Variants in HIP1 observed in about 807,000 individuals in gnomAD.
HIP1 encodes the protein huntingtin-interacting protein 1.
In HIP1, 65 loss-of-function variants were observed where a neutral mutation model predicts 147.6. The observed-to-expected ratio is 0.44, with a 90% CI of 0.36 to 0.54. The LOEUF (loss-of-function observed/expected upper bound fraction) is 0.54, where lower values mean the gene tolerates loss of function less well. HIP1 is among the 20% of genes least tolerant of loss of function. HIP1 has a pLI of 0.00. For synonymous variants in HIP1, 479 were observed against 504.0 expected (o/e 0.95, Z 0.67); for missense variants, 1,061 against 1,299.6 (o/e 0.82, Z 2.82).
chr7:75,658,682 G>A (rs1799215344), intron 1 of HIP1, among the ~76,000 whole-genome samples: 1 of 152,014 alleles, frequency 6.6e-6, no homozygotes, highest in South Asian at 2.1e-4. Context: ...TTGGGAGGCC[G>A]AGGTAGCAGG....
At chr7:75,706,483 A>ATTTTTTTTTTTTTTTT (rs1416497325) in intron 1 of HIP1, among the ~76,000 whole-genome samples, 1 of 79,864 alleles carries the variant, frequency 1.3e-5, no homozygotes, top group African/African-American at 5.3e-5. Flanking sequence ...CTTTTTTTTT[A>ATTTTTTTTTTTTTTTT]TTTTTTTTTT....
chr7:75,680,153 G>T (rs956816688), intron 1 of HIP1, among the ~76,000 whole-genome samples: 1 of 151,846 alleles, frequency 6.6e-6, no homozygotes, highest in Admixed American at 6.6e-5. Context: ...AGCAATTCTC[G>T]TGCCTCAGCC....
rs1173633153 is a variant in HIP1, at chr7:75,563,194, C to A, written c.873G>T (p.Leu291=). 1.2e-6 allele frequency: 2 copies of A among 1,614,092 alleles called. No homozygotes were observed. Among genetic ancestry groups the A allele is most frequent in the South Asian group, 1.1e-5 (1 of 91,094 alleles). The change falls in exon 10 of 31, where the codon CTG becomes CTT. Residue 291 remains leucine, a synonymous_variant. Transcript: ENST00000336926. ...TGTGGTTGGGCATGCTTACCTCAGG[C>A]AGCTGGGGGATCTGAATGAGCCGCT... The part of the protein sequence containing the change: ...YFKRLIQIPQ[L]PENPPNFLRA...
chr7:75,544,692 T>C lies in HIP1; in HGVS notation c.2766+3A>G. 1.9e-6 allele frequency: 3 copies of C among 1,592,378 alleles called. No individual in the cohort carries two copies. The highest frequency in any genetic ancestry group is 2.6e-6 in the Non-Finnish European group (3 of 1,160,138). On this transcript the variant is annotated splice_donor_region_variant and intron_variant, in intron 27 of 30. Transcript: ENST00000336926. ...CGTCCTAGGAGGTCCAGCCAGGTCC[T>C]ACCTTGGATGCAGCCACAAGCTGGG...
intron 2 of HIP1, among the ~76,000 whole-genome samples, chr7:75,595,255 C>CTTTTTCTTTCTTTCTTT (rs1491555852): frequency 1.5e-5 from 1 of 68,312 alleles, no homozygotes; most frequent in African/African-American, 4.8e-5. Flanking sequence ...TTTCTTTCTT[C>CTTTTTCTTTCTTTCTTT]CTTCCTTCCT....
At chr7:75,664,098 GCATA>G (rs138842743) in intron 1 of HIP1, among the ~76,000 whole-genome samples, 2,401 of 36,606 alleles carry the variant, frequency 0.066, 434 homozygotes, top group African/African-American at 0.18. Context: ...ACACATATGT[GCATA>G]CATACATGTA....
intron 1 of HIP1, among the ~76,000 whole-genome samples, chr7:75,721,555 G>A (rs1363106314): frequency 3.3e-5 from 5 of 151,882 alleles, no homozygotes; most frequent in African/African-American, 1.2e-4. Flanking sequence ...TTTTTCTGGA[G>A]AATTATTTTT....
At chr7:75,689,646 G>A (rs1286852098) in intron 1 of HIP1, among the ~76,000 whole-genome samples, 2 of 152,128 alleles carry the variant, frequency 1.3e-5, no homozygotes, top group Non-Finnish European at 2.9e-5. Flanking sequence ...TGGCATTCAA[G>A]GACACGCTCC....
chr7:75,549,667 G>A (rs1446152732), intron 22 of HIP1, among the ~76,000 whole-genome samples: 4 of 150,880 alleles, frequency 2.7e-5, no homozygotes, highest in Non-Finnish European at 5.9e-5. Context: ...ACCACACCTG[G>A]CCCTAATTTT....
At chr7:75,561,679 G>A (rs1795233869) in intron 12 of HIP1, among the ~76,000 whole-genome samples, 1 of 152,054 alleles carries the variant, frequency 6.6e-6, no homozygotes, top group South Asian at 2.1e-4. Context: ...GTCTGGCTTT[G>A]TCGCCCAGGC....
chr7:75,567,993 T>C, intron 9 of HIP1, among the ~76,000 whole-genome samples: 1 of 152,054 alleles, frequency 6.6e-6, no homozygotes, highest in Non-Finnish European at 1.5e-5. Context: ...TACATTTTTT[T>C]TCTGTAGAGA....
intron 4 of HIP1, among the ~76,000 whole-genome samples, chr7:75,589,753 C>T (rs1334462344): frequency 5.5e-5 from 7 of 126,284 alleles, no homozygotes; most frequent in Admixed American, 2.7e-4. Flanking sequence ...TTTTTTGAGA[C>T]GAAGTCTCTC....
At chr7:75,588,625 T>G (rs1796366644) in intron 4 of HIP1, among the ~76,000 whole-genome samples, 1 of 151,794 alleles carries the variant, frequency 6.6e-6, no homozygotes, top group Non-Finnish European at 1.5e-5. Flanking sequence ...TCTACAAAAA[T>G]TAGCTGGGTT....
At chr7:75,723,487 T>C (rs1554521943) in intron 1 of HIP1, among the ~76,000 whole-genome samples, 4 of 152,302 alleles carry the variant, frequency 2.6e-5, no homozygotes, top group African/African-American at 9.6e-5. Flanking sequence ...TCTTCTGTCC[T>C]GGAGGGCCTG....
Position 75,533,985 on chromosome 7 carries a change from T to C in HIP1, c.*4187A>G, listed in dbSNP as rs1476565673. On this transcript the variant is annotated 3_prime_UTR_variant, in exon 31 of 31. Transcript: ENST00000336926. ...GAACTGGAGGCTTTCCCTGGCAGGATTTCCAGAGATTTGGAAAGGTGGTAG... is the reference window on the plus strand; with the variant it reads ...GAACTGGAGGCTTTCCCTGGCAGGACTTCCAGAGATTTGGAAAGGTGGTAG... The C allele has an allele frequency of 4.3e-6, 1 of 232,000 alleles. No individual in the cohort carries two copies. The highest frequency in any genetic ancestry group is 8.5e-6 in the Non-Finnish European group (1 of 117,386). The allele number at this position is 232,000 out of a possible 1,614,324, so 14.4% of individuals were successfully genotyped here.
chr7:75,560,379 G>T (rs1795186207), intron 13 of HIP1, among the ~76,000 whole-genome samples: 1 of 152,080 alleles, frequency 6.6e-6, no homozygotes, highest in South Asian at 2.1e-4. Flanking sequence ...CTCCCAAGTA[G>T]CTGGCATTAC....
chr7:75,653,394 T>G (rs1554512236), intron 1 of HIP1, among the ~76,000 whole-genome samples: 2 of 152,182 alleles, frequency 1.3e-5, no homozygotes, highest in African/African-American at 4.8e-5. Context: ...GGCTTATACC[T>G]GTAATCCCAG....
At chr7:75,611,536 CT>C in intron 1 of HIP1, 1 of 263,338 alleles carries the variant, frequency 3.8e-6, no homozygotes, top group Non-Finnish European at 6.2e-6. Context: ...AATCTACTCC[CT>C]TCCCCTCCCG....
intron 22 of HIP1, among the ~76,000 whole-genome samples, chr7:75,549,598 G>T (rs1471145516): frequency 6.6e-6 from 1 of 151,740 alleles, no homozygotes; most frequent in East Asian, 1.9e-4. Flanking sequence ...TCAAACTCCT[G>T]ACCTCAGGTA....
Sources: gnomAD v4.1 joint callset for allele counts (sites outside exome capture counted in the v4.1 genomes callset) on GRCh38, gnomAD v4.1.1 for gene constraint, MANE v1.5 for transcripts, NCBI Gene and HGNC (gene_info 2026-07-23, HGNC 2026-07-21) for gene names.